The following KCNIP4 variants were observed in gnomAD, a reference collection of about 807,000 sequenced individuals.
KCNIP4 encodes Kv channel-interacting protein 4.
A neutral mutation model predicts 34.0 loss-of-function variants in KCNIP4; 12 were observed. The ratio of observed to expected loss-of-function variants is 0.35; its 90% confidence interval spans 0.23 to 0.57. KCNIP4 has a LOEUF of 0.57. Among genes scored for constraint, KCNIP4 ranks in the 20% least tolerant of loss-of-function variants. The pLI, the probability that KCNIP4 is intolerant of heterozygous loss-of-function variation, is 0.83. For synonymous variants in KCNIP4, 124 were observed against 102.2 expected (o/e 1.21, Z -1.29); for missense variants, 238 against 311.7 (o/e 0.76, Z 1.78).
chr4:21,144,339 C>T (rs1752195820), intron 1 of KCNIP4, among the ~76,000 whole-genome samples: 1 of 151,972 alleles, frequency 6.6e-6, no homozygotes, highest in Admixed American at 6.6e-5. Context: ...ATTATTTTAC[C>T]CTTTTATAAA....
At position 20,730,033 on chromosome 4, in the gene KCNIP4, G is replaced by T; in HGVS notation, c.*49C>A. 1 of 1,577,386 alleles carries T rather than the reference G, an allele frequency of 6.3e-7. No homozygotes were observed. Among genetic ancestry groups the T allele is most frequent in the South Asian group, 1.2e-5 (1 of 83,984 alleles). On this transcript the variant is annotated 3_prime_UTR_variant, in exon 9 of 9. Coordinates refer to ENST00000382152, the MANE Select transcript of KCNIP4 (RefSeq NM_025221.6). The stretch of plus-strand genomic sequence containing the variant: ...AAGTGGTAGCTCCAACTTTAAGGGT[G>T]GTAGAATAGTTCACATTTGTCTGTT...
At chr4:21,139,041 C>T (rs1751730284) in intron 1 of KCNIP4, among the ~76,000 whole-genome samples, 1 of 152,284 alleles carries the variant, frequency 6.6e-6, no homozygotes, top group East Asian at 1.9e-4. Context: ...ATTCCAGTAG[C>T]CATAGGAAGC....
At chr4:21,290,068 C>T (rs980491027) in intron 1 of KCNIP4, among the ~76,000 whole-genome samples, 1 of 152,074 alleles carries the variant, frequency 6.6e-6, no homozygotes, top group African/African-American at 2.4e-5. Flanking sequence ...ACATCAAAAT[C>T]CTGGGCTCTT....
At chr4:21,192,247 G>A (rs1354517767) in intron 1 of KCNIP4, among the ~76,000 whole-genome samples, 1 of 152,052 alleles carries the variant, frequency 6.6e-6, no homozygotes, top group Admixed American at 6.5e-5. Flanking sequence ...TCAATTTTAG[G>A]GCACATTATC....
chr4:21,776,321 T>C (rs896981454), intron 1 of KCNIP4, among the ~76,000 whole-genome samples: 1 of 152,194 alleles, frequency 6.6e-6, no homozygotes, highest in African/African-American at 2.4e-5. Context: ...AGAATTCACA[T>C]ACTTACTATG....
chr4:21,800,251 A>G (rs996558121), intron 1 of KCNIP4, among the ~76,000 whole-genome samples: 1 of 152,200 alleles, frequency 6.6e-6, no homozygotes, highest in African/African-American at 2.4e-5. Context: ...TGATTATGCT[A>G]TAGGGCTCTG....
At chr4:21,743,443 A>C (rs1716561429) in intron 1 of KCNIP4, among the ~76,000 whole-genome samples, 1 of 151,138 alleles carries the variant, frequency 6.6e-6, no homozygotes, top group Non-Finnish European at 1.5e-5. Context: ...TCTTGTGATT[A>C]CATCAGGCTC....
At chr4:21,332,394 T>A (rs894226054) in intron 1 of KCNIP4, among the ~76,000 whole-genome samples, 4 of 152,038 alleles carry the variant, frequency 2.6e-5, no homozygotes, top group African/African-American at 9.7e-5. Flanking sequence ...TCCAACAGCA[T>A]TCCAAGTCTC....
chr4:21,493,822 T>TCCACA (rs1732618707), intron 1 of KCNIP4, among the ~76,000 whole-genome samples: 1 of 152,180 alleles, frequency 6.6e-6, no homozygotes, highest in Non-Finnish European at 1.5e-5. Context: ...GGCTTCTCTT[T>TCCACA]AATAGGGTGA....
At chr4:21,194,653 A>G (rs1249888122) in intron 1 of KCNIP4, among the ~76,000 whole-genome samples, 7 of 152,166 alleles carry the variant, frequency 4.6e-5, no homozygotes, top group African/African-American at 1.7e-4. Flanking sequence ...TTCCAAATCT[A>G]GCTCATGAGA....
chr4:21,716,487 T>C (rs1211538370), intron 1 of KCNIP4, among the ~76,000 whole-genome samples: 1 of 152,050 alleles, frequency 6.6e-6, no homozygotes, highest in Non-Finnish European at 1.5e-5. Context: ...ATCGCCCACC[T>C]TGACCTCCCA....
chr4:21,836,179 A>C (rs760172220), intron 1 of KCNIP4, among the ~76,000 whole-genome samples: 9 of 152,312 alleles, frequency 5.9e-5, no homozygotes, highest in Non-Finnish European at 1.2e-4. Flanking sequence ...TCTTAAGTTT[A>C]AGTGGTAGAT....
chr4:20,779,088 A>G (rs1031989844), intron 3 of KCNIP4, among the ~76,000 whole-genome samples: 3 of 152,194 alleles, frequency 2.0e-5, no homozygotes, highest in Admixed American at 1.3e-4. Flanking sequence ...GAAATGGAAC[A>G]TTCTTTTCTT....
intron 2 of KCNIP4, among the ~76,000 whole-genome samples, chr4:20,866,954 A>G (rs1412707466): frequency 6.6e-6 from 1 of 152,184 alleles, no homozygotes; most frequent in East Asian, 1.9e-4. Flanking sequence ...CTCACCCAGG[A>G]GGTGAAAGAT....
chr4:21,568,620 T>C (rs576618326), intron 1 of KCNIP4, among the ~76,000 whole-genome samples: 57 of 152,202 alleles, frequency 3.7e-4, no homozygotes, highest in African/African-American at 1.3e-3. Flanking sequence ...GCTGGATGCT[T>C]CCTAAGTTCA....
At chr4:21,895,376 G>C (rs950930857) in intron 1 of KCNIP4, among the ~76,000 whole-genome samples, 3 of 152,132 alleles carry the variant, frequency 2.0e-5, no homozygotes, top group Admixed American at 1.3e-4. Context: ...GTGAACAACA[G>C]AGTTGCTTTT....
In KCNIP4 at chr4:21,106,181, C is replaced by T. The variant is rs540077835; in HGVS notation, c.62-223472G>A. Among the ~76,000 whole-genome samples the T allele has an allele frequency of 1.8e-3, 276 of 151,252 alleles. 6 individuals carry two copies. Among genetic ancestry groups the T allele is most frequent in the African/African-American group, 6.4e-3 (261 of 40,628 alleles). On this transcript the variant is annotated intron_variant, in intron 1 of 8. Coordinates refer to ENST00000382152, the MANE Select transcript of KCNIP4 (RefSeq NM_025221.6). ...GTTTCAGAAGGAATGGTACCAGTTCCTCCTTGTGCCTCTGGTAGAATTCGG... is the reference window on the plus strand; with the variant it reads ...GTTTCAGAAGGAATGGTACCAGTTCTTCCTTGTGCCTCTGGTAGAATTCGG...
intron 1 of KCNIP4, among the ~76,000 whole-genome samples, chr4:20,950,046 GA>G (rs1732614466): frequency 6.7e-6 from 1 of 148,698 alleles, no homozygotes; most frequent in Admixed American, 6.7e-5. Context: ...AAATGAAAAG[GA>G]AAGGAAATCA....
At position 21,690,550 on chromosome 4, in the gene KCNIP4, G is replaced by A. The variant is rs183939127; in HGVS notation, c.61+258021C>T. On this transcript the variant is annotated intron_variant, in intron 1 of 8. Transcript: ENST00000382152. ...GTCTTGCCATGTGACACATCTGCTC[G>A]CCTTTCACTTTCCACCATGATTGTA... 3.0e-4 allele frequency among the ~76,000 whole-genome samples: 46 copies of A among 152,188 alleles called. 2 individuals carry two copies. Among genetic ancestry groups the A allele is most frequent in the Admixed American group, 1.8e-3 (27 of 15,282 alleles).
Sources: gnomAD v4.1 joint callset for allele counts (sites outside exome capture counted in the v4.1 genomes callset) on GRCh38, gnomAD v4.1.1 for gene constraint, MANE v1.5 for transcripts, NCBI Gene and HGNC (gene_info 2026-07-23, HGNC 2026-07-21) for gene names.